The following FGD6 variants were observed in gnomAD, a reference collection of about 807,000 sequenced individuals.
FGD6 encodes FYVE, RhoGEF and PH domain-containing protein 6.
FGD6 carries 90 observed loss-of-function variants against 149.4 expected under a neutral mutation model. The observed-to-expected ratio is 0.60, with a 90% CI of 0.51 to 0.72. The LOEUF (loss-of-function observed/expected upper bound fraction) is 0.72, where lower values mean the gene tolerates loss of function less well. Among genes scored for constraint, FGD6 ranks in the 30% least tolerant of loss-of-function variants. The pLI is 0.00. For missense variants in FGD6, 1,437 were observed against 1,684.8 expected, an observed-to-expected ratio of 0.85 and a Z score of 2.57; for synonymous variants, 527 against 584.0, an observed-to-expected ratio of 0.90 and a Z score of 1.41.
chr12:95,170,828 A>T (rs1880969367), intron 3 of FGD6, among the ~76,000 whole-genome samples: 1 of 152,196 alleles, frequency 6.6e-6, no homozygotes. Context: ...AAGACACAAA[A>T]GGAATTACTT....
chr12:95,098,117 G>A (rs937102585), intron 14 of FGD6, among the ~76,000 whole-genome samples: 5 of 152,128 alleles, frequency 3.3e-5, no homozygotes, highest in African/African-American at 1.2e-4. Context: ...CCCCTTGATG[G>A]CTGCATTTGG....
intron 14 of FGD6, among the ~76,000 whole-genome samples, chr12:95,100,055 T>TCCCCCCC (rs33962935): frequency 2.0e-4 from 26 of 129,188 alleles, no homozygotes; most frequent in Non-Finnish European, 3.8e-4. Context: ...ACTTTTCTGA[T>TCCCCCCC]CCCCCCCCCC....
chr12:95,182,125 TA>T (rs1881299571), intron 2 of FGD6, among the ~76,000 whole-genome samples: 1 of 150,928 alleles, frequency 6.6e-6, no homozygotes, highest in South Asian at 2.1e-4. Context: ...CCAGAAAAAA[TA>T]AAGGCCATTA....
intron 16 of FGD6, among the ~76,000 whole-genome samples, chr12:95,092,457 T>TTC (rs1392880386): frequency 6.6e-6 from 1 of 152,176 alleles, no homozygotes; most frequent in Admixed American, 6.5e-5. Context: ...TTTGAATCAG[T>TTC]TATTACTGAT....
At chr12:95,083,006 A>T (rs1447686420) in intron 20 of FGD6, among the ~76,000 whole-genome samples, 1,583 of 42,524 alleles carry the variant, frequency 0.037, 17 homozygotes, top group Non-Finnish European at 0.056. Context: ...AAAAAAAAAA[A>T]AAAAAAATAT....
chr12:95,186,804 C>T (rs902703536), intron 2 of FGD6, among the ~76,000 whole-genome samples: 4 of 152,108 alleles, frequency 2.6e-5, no homozygotes, highest in African/African-American at 7.2e-5. Flanking sequence ...TGCCTGTGTT[C>T]GAATCCGAGT....
intron 8 of FGD6, among the ~76,000 whole-genome samples, chr12:95,124,593 A>G (rs1265188238): frequency 6.6e-6 from 1 of 152,168 alleles, no homozygotes; most frequent in Admixed American, 6.5e-5. Flanking sequence ...AACAGAGGCA[A>G]TTGGTTACTT....
intron 5 of FGD6, 137 bp from the exon 6 acceptor site, chr12:95,141,676 T>C: frequency 1.0e-6 from 1 of 966,468 alleles, no homozygotes; most frequent in Non-Finnish European, 1.5e-6. Flanking sequence ...AAATCTAAAG[T>C]ACCCCCTTCC....
At chr12:95,090,936 C>G (rs1005752702) in intron 17 of FGD6, among the ~76,000 whole-genome samples, 4 of 152,052 alleles carry the variant, frequency 2.6e-5, no homozygotes, top group Non-Finnish European at 5.9e-5. Context: ...CCCCGCGTCT[C>G]TACTAAAATA....
intron 8 of FGD6, 121 bp downstream of exon 8, chr12:95,134,618 A>T: frequency 1.2e-6 from 1 of 819,550 alleles, no homozygotes; most frequent in Non-Finnish European, 2.1e-6. Flanking sequence ...AAATCCACGT[A>T]TTAGGCAACG....
At chr12:95,129,307 GCATGCATCCATCCATCCATC>G (rs1592844411) in intron 8 of FGD6, among the ~76,000 whole-genome samples, 32 of 142,224 alleles carry the variant, frequency 2.2e-4, no homozygotes, top group South Asian at 1.6e-3. Context: ...ATGCATGCAT[GCATGCATCCATCCATCCATC>G]CATCCATCCA....
chr12:95,156,950 T>C (rs1592856235), intron 3 of FGD6, among the ~76,000 whole-genome samples: 1 of 152,270 alleles, frequency 6.6e-6, no homozygotes, highest in South Asian at 2.1e-4. Context: ...ATATTTAACC[T>C]ACAAATAATT....
rs1046968736 is a variant in FGD6, at chr12:95,080,170, T to C, written c.*1350A>G. The C allele has an allele frequency of 1.3e-5, 2 of 152,174 alleles. No individual in the cohort carries two copies. Among genetic ancestry groups the C allele is most frequent in the African/African-American group, 4.8e-5 (2 of 41,450 alleles). The allele number at this position is 152,174 out of a possible 1,614,324, so 9.4% of individuals were successfully genotyped here. A position where few individuals can be genotyped will look rare whatever the true frequency, so the allele number is the denominator to read the frequency against. ...TTTCACCATATTGGCCAGGCTGGTC[T>C]CGATCTCCTGACCTCAGGTGGTCCA... is the stretch of plus-strand genomic sequence containing the variant. On this transcript the variant is annotated 3_prime_UTR_variant, in exon 21 of 21. Coordinates refer to ENST00000343958, the MANE Select transcript of FGD6 (RefSeq NM_018351.4).
intron 5 of FGD6, among the ~76,000 whole-genome samples, chr12:95,152,568 CT>C (rs1880343219): frequency 6.6e-6 from 1 of 152,182 alleles, no homozygotes; most frequent in Non-Finnish European, 1.5e-5. Flanking sequence ...CAGCAAGTAT[CT>C]TCAGCAAATG....
At chr12:95,107,423 A>G in intron 12 of FGD6, 140 bp downstream of exon 12, 5 of 669,466 alleles carry the variant, frequency 7.5e-6, no homozygotes, top group Non-Finnish European at 1.3e-5. Flanking sequence ...TTGAAATGCA[A>G]TTAAGTGGTA....
Position 95,174,427 on chromosome 12 carries a change from C to T in FGD6, c.2442-1683G>A, listed in dbSNP as rs182102604. 1.2e-4 allele frequency among the ~76,000 whole-genome samples: 18 copies of T among 152,256 alleles called. No individual in the cohort carries two copies. In the East Asian group the frequency reaches 3.5e-3, roughly 29 times the overall value. ...ATGTTCAATTTCCAATCGGCAGCAG[C>T]ATCACCTGGAAGCTCCTCAGAAAAC... is the stretch of plus-strand genomic sequence containing the variant. On this transcript the variant is annotated intron_variant, in intron 2 of 20. Transcript: ENST00000343958.
At chr12:95,163,255 C>A (rs1206544354) in intron 3 of FGD6, among the ~76,000 whole-genome samples, 1 of 152,106 alleles carries the variant, frequency 6.6e-6, no homozygotes, top group African/African-American at 2.4e-5. Context: ...TGCGCATATA[C>A]CTTTCCTTTT....
chr12:95,187,425 T>C (rs28567436), intron 2 of FGD6, among the ~76,000 whole-genome samples: 31 of 20,836 alleles, frequency 1.5e-3, no homozygotes, highest in African/African-American at 4.5e-3. Flanking sequence ...GATCATGAGG[T>C]GGGCAGATCA....
chr12:95,160,357 A>AAAAC (rs1016568532), intron 3 of FGD6, among the ~76,000 whole-genome samples: 111 of 152,198 alleles, frequency 7.3e-4, no homozygotes, highest in African/African-American at 2.6e-3. Context: ...CTATAATAAA[A>AAAAC]AAACAAACAA....
Sources: gnomAD v4.1 joint callset for allele counts (sites outside exome capture counted in the v4.1 genomes callset) on GRCh38, gnomAD v4.1.1 for gene constraint, MANE v1.5 for transcripts, NCBI Gene and HGNC (gene_info 2026-07-23, HGNC 2026-07-21) for gene names.